NCALD: variants seen among roughly 807,000 people sequenced by gnomAD.
NCALD encodes the protein neurocalcin delta.
A neutral mutation model predicts 18.6 loss-of-function variants in NCALD; 10 were observed. That is an observed-to-expected ratio of 0.54 (90% CI 0.33 to 0.91). The LOEUF (loss-of-function observed/expected upper bound fraction) is 0.91. Ranked by LOEUF, NCALD falls within the 40% of genes least tolerant of loss-of-function variation. The pLI, the probability that NCALD is intolerant of heterozygous loss-of-function variation, is 0.03. For missense variants in NCALD, 184 were observed against 247.6 expected (o/e 0.74, Z 1.72); for synonymous variants, 88 against 87.4 (o/e 1.01, Z -0.04).
At chr8:101,770,281 A>G (rs1811529107) in intron 1 of NCALD, among the ~76,000 whole-genome samples, 1 of 152,162 alleles carries the variant, frequency 6.6e-6, no homozygotes, top group South Asian at 2.1e-4. Flanking sequence ...CTCTTGTATT[A>G]TTCATTTCTA....
intron 4 of NCALD, among the ~76,000 whole-genome samples, chr8:101,799,351 A>G (rs1273267261): frequency 6.6e-6 from 1 of 152,204 alleles, no homozygotes; most frequent in Non-Finnish European, 1.5e-5. Flanking sequence ...TAATAAAGAT[A>G]CTATGAAAAA....
At chr8:102,020,271 C>G (rs1822229291) in exon 2 of NCALD, 1 of 150,946 alleles carries the variant, frequency 6.6e-6, no homozygotes, top group Non-Finnish European at 1.5e-5. Context: ...ACTGCAGGCT[C>G]AAGTCAGAAG....
chr8:101,888,734 T>C (rs2131495861), intron 3 of NCALD, among the ~76,000 whole-genome samples: 2 of 152,278 alleles, frequency 1.3e-5, no homozygotes, highest in South Asian at 4.1e-4. Context: ...TCTATTAACA[T>C]TGGATTTGCT....
chr8:101,929,401 G>A (rs1366682751), intron 2 of NCALD, among the ~76,000 whole-genome samples: 1 of 49,522 alleles, frequency 2.0e-5, no homozygotes, highest in Non-Finnish European at 4.1e-5. Context: ...GAGGCATGGA[G>A]GGAGGGAGGG....
intron 4 of NCALD, among the ~76,000 whole-genome samples, chr8:101,834,243 T>C: frequency 6.6e-6 from 1 of 152,210 alleles, no homozygotes; most frequent in East Asian, 1.9e-4. Flanking sequence ...TCACACCTTT[T>C]TCCAGAGGAC....
intron 1 of NCALD, among the ~76,000 whole-genome samples, chr8:102,090,015 A>G (rs1451984302): frequency 6.6e-6 from 1 of 152,184 alleles, no homozygotes; most frequent in African/African-American, 2.4e-5. Context: ...AATTGGATAG[A>G]TTTGTCTATA....
chr8:101,916,952 T>C (rs939641301), intron 2 of NCALD, among the ~76,000 whole-genome samples: 4 of 151,986 alleles, frequency 2.6e-5, no homozygotes, highest in South Asian at 2.1e-4. Context: ...GGCAGAAAAC[T>C]AATAAAGAAT....
At chr8:102,070,380 C>A (rs1043693206) in intron 1 of NCALD, among the ~76,000 whole-genome samples, 1 of 152,138 alleles carries the variant, frequency 6.6e-6, no homozygotes, top group East Asian at 1.9e-4. Context: ...TCCAAATTTA[C>A]AAGAGTATTC....
rs147424727 is a variant in NCALD at position 102,060,679 on chromosome 8, C to T, written c.-209-40390G>A. Among the ~76,000 whole-genome samples the T allele has an allele frequency of 4.7e-4, 71 of 152,106 alleles. No homozygotes were observed. The East Asian group carries it at 0.012, about 26-fold the overall frequency. ...GAAGCACAGGGCTGCCAGGCAAGTA[C>T]GGAAAATTCAACAGATTTGAGGGCA... On this transcript the variant is annotated intron_variant, in intron 1 of 6. Coordinates refer to the NCALD transcript ENST00000311028.
chr8:101,873,603 A>C (rs1157332129), intron 4 of NCALD, among the ~76,000 whole-genome samples: 1 of 152,260 alleles, frequency 6.6e-6, no homozygotes, highest in African/African-American at 2.4e-5. Context: ...AAAATAATAT[A>C]GATAGAATGT....
At chr8:101,794,705 A>G (rs558827969), upstream of NCALD, among the ~76,000 whole-genome samples, 3 of 152,314 alleles carry the variant, frequency 2.0e-5, no homozygotes, top group African/African-American at 7.2e-5. Context: ...TGAGGCAGGC[A>G]CTATTCCATA....
chr8:101,811,695 G>T lies in NCALD; in HGVS notation c.-20+75446C>A, dbSNP rs571820723. ...AAGAGAAGTACAGCAAAGTGCTGTG[G>T]GGCCTCAGGGGAGGGAGATGTTCCT... On this transcript the variant is annotated intron_variant, in intron 4 of 6. Transcript: ENST00000311028. Among the ~76,000 whole-genome samples, 187 of 152,286 alleles carry T rather than the reference G, an allele frequency of 1.2e-3. 1 individual carries two copies. Among genetic ancestry groups the T allele is most frequent in the African/African-American group, 3.9e-3 (163 of 41,556 alleles).
intron 1 of NCALD, among the ~76,000 whole-genome samples, chr8:101,732,792 C>T (rs926479629): frequency 3.3e-5 from 5 of 151,712 alleles, no homozygotes; most frequent in East Asian, 3.9e-4. Flanking sequence ...TCAGTAGAGA[C>T]GGGTTTTTGG....
At chr8:102,007,126 G>A (rs1475502370) in intron 2 of NCALD, among the ~76,000 whole-genome samples, 1 of 152,196 alleles carries the variant, frequency 6.6e-6, no homozygotes, top group East Asian at 1.9e-4. Context: ...TAAATGTAAT[G>A]TGATAGCCTG....
intron 1 of NCALD, among the ~76,000 whole-genome samples, chr8:101,765,024 C>T (rs1410321106): frequency 1.3e-5 from 2 of 152,162 alleles, no homozygotes; most frequent in African/African-American, 4.8e-5. Flanking sequence ...TATGAATCTT[C>T]AGGATTCTCA....
intron 1 of NCALD, among the ~76,000 whole-genome samples, chr8:101,783,671 G>A (rs559348274): frequency 7.2e-5 from 11 of 152,300 alleles, no homozygotes; most frequent in South Asian, 2.1e-4. Flanking sequence ...CAGATGATAC[G>A]AGTACTGCCA....
chr8:101,997,711 C>G (rs1282537593), intron 2 of NCALD, among the ~76,000 whole-genome samples: 1 of 152,208 alleles, frequency 6.6e-6, no homozygotes, highest in Non-Finnish European at 1.5e-5. Context: ...CTCTATTTCT[C>G]TGAGCCTCGC....
intron 2 of NCALD, chr8:101,693,351 T>TTC (rs1563659147): frequency 2.4e-5 from 3 of 122,568 alleles, no homozygotes; most frequent in Admixed American, 1.7e-4. Flanking sequence ...TTTTTTTTTT[T>TTC]CTGTACAGAC....
intron 2 of NCALD, among the ~76,000 whole-genome samples, chr8:101,713,633 T>C (rs1815921164): frequency 6.6e-6 from 1 of 151,828 alleles, no homozygotes; most frequent in Admixed American, 6.6e-5. Flanking sequence ...CAAACTACCA[T>C]CAGAGAATAC....
Sources: gnomAD v4.1 joint callset for allele counts (sites outside exome capture counted in the v4.1 genomes callset) on GRCh38, gnomAD v4.1.1 for gene constraint, MANE v1.5 for transcripts, NCBI Gene and HGNC (gene_info 2026-07-23, HGNC 2026-07-21) for gene names.